NCKAP5: variants seen among roughly 807,000 people sequenced by gnomAD.
The protein encoded by NCKAP5 is nck-associated protein 5.
A neutral mutation model predicts 167.0 loss-of-function variants in NCKAP5; 92 were observed. The ratio of observed to expected loss-of-function variants is 0.55; its 90% CI spans 0.47 to 0.66. The LOEUF (loss-of-function observed/expected upper bound fraction) is 0.66, where lower values mean the gene tolerates loss of function less well. Among genes scored for constraint, NCKAP5 ranks in the 30% least tolerant of loss-of-function variants. The pLI, the probability that NCKAP5 is intolerant of heterozygous loss-of-function variation, is 0.00. For missense variants in NCKAP5, 2,378 were observed against 2,315.0 expected (o/e 1.03, Z -0.56); for synonymous variants, 891 against 877.4 (o/e 1.02, Z -0.27).
chr2:132,970,907 G>A (rs1169085032), intron 7 of NCKAP5, among the ~76,000 whole-genome samples: 1 of 152,200 alleles, frequency 6.6e-6, no homozygotes, highest in East Asian at 1.9e-4. Context: ...TCCCCAAAAT[G>A]TGTAAATGTG....
intron 11 of NCKAP5, among the ~76,000 whole-genome samples, chr2:132,802,114 A>T (rs1685088336): frequency 6.6e-6 from 1 of 152,160 alleles, no homozygotes; most frequent in Non-Finnish European, 1.5e-5. Context: ...GGCACAAAAG[A>T]GAAGTTTTAA....
intron 11 of NCKAP5, among the ~76,000 whole-genome samples, chr2:132,798,493 T>C (rs890744685): frequency 6.6e-6 from 1 of 152,194 alleles, no homozygotes. Context: ...AGAAATGATT[T>C]TGAGTGGTAT....
At chr2:133,308,713 TTTTTTTG>T in intron 3 of NCKAP5, among the ~76,000 whole-genome samples, 1 of 129,292 alleles carries the variant, frequency 7.7e-6, no homozygotes. Flanking sequence ...TTTTTTTTTT[TTTTTTTG>T]AGACGGAGTC....
intron 11 of NCKAP5, among the ~76,000 whole-genome samples, chr2:132,811,559 G>T (rs914203651): frequency 2.0e-5 from 3 of 152,176 alleles, no homozygotes; most frequent in Admixed American, 2.0e-4. Flanking sequence ...GCCTCACCCA[G>T]CTCCCATGCA....
intron 5 of NCKAP5, among the ~76,000 whole-genome samples, chr2:133,150,343 T>A (rs1253840198): frequency 2.0e-5 from 3 of 152,138 alleles, no homozygotes; most frequent in African/African-American, 7.2e-5. Context: ...ACAAGCAAAG[T>A]GTATCTAGGG....
chr2:133,322,647 A>G (rs1175831793), intron 3 of NCKAP5, among the ~76,000 whole-genome samples: 4 of 152,228 alleles, frequency 2.6e-5, no homozygotes, highest in Non-Finnish European at 5.9e-5. Flanking sequence ...TTCACCACCC[A>G]TCCAGGATAT....
chr2:133,620,996 A>G, the NCKAP5 span, among the ~76,000 whole-genome samples: 1 of 152,216 alleles, frequency 6.6e-6, no homozygotes, highest in South Asian at 2.1e-4. Context: ...ATACATGGAA[A>G]TTAAGTAACC....
chr2:133,023,736 A>G (rs2078606793), intron 6 of NCKAP5, among the ~76,000 whole-genome samples: 1 of 152,158 alleles, frequency 6.6e-6, no homozygotes, highest in African/African-American at 2.4e-5. Context: ...TGCTTAGGAT[A>G]ATGACCTCCA....
At chr2:132,975,653 T>C (rs1313612248) in intron 7 of NCKAP5, among the ~76,000 whole-genome samples, 1 of 152,190 alleles carries the variant, frequency 6.6e-6, no homozygotes, top group Non-Finnish European at 1.5e-5. Context: ...ACAGAAATTA[T>C]GTCCTTGTAG....
chr2:133,415,921 G>A (rs1689081856), intron 3 of NCKAP5, among the ~76,000 whole-genome samples: 1 of 152,188 alleles, frequency 6.6e-6, no homozygotes. Flanking sequence ...GTTTATCTGA[G>A]CAAAAGTAAA....
intron 3 of NCKAP5, among the ~76,000 whole-genome samples, chr2:133,462,590 T>A (rs528387141): frequency 6.6e-6 from 1 of 152,236 alleles, no homozygotes; most frequent in Admixed American, 6.5e-5. Flanking sequence ...TCATCACAAG[T>A]AGATGAGAAC....
At position 133,303,114 on chromosome 2, in the gene NCKAP5, C is replaced by A; in HGVS notation, c.70-4G>T. On this transcript the variant is annotated splice_polypyrimidine_tract_variant and splice_region_variant and intron_variant, in intron 3 of 19. Transcript: ENST00000409261. ...ATTTATTGGAGTCCATGTATTCCTG[C>A]ACAAGCAGACAAAGACAGATGAAAA... 2 of 1,576,124 alleles carry A rather than the reference C, an allele frequency of 1.3e-6. No homozygotes were observed. Among genetic ancestry groups the A allele is most frequent in the Non-Finnish European group, 1.7e-6 (2 of 1,159,164 alleles).
intron 6 of NCKAP5, among the ~76,000 whole-genome samples, chr2:133,055,662 A>C (rs2079773940): frequency 6.6e-6 from 1 of 152,176 alleles, no homozygotes; most frequent in Admixed American, 6.6e-5. Flanking sequence ...GCACACACAG[A>C]GGATGAAATG....
At chr2:133,264,340 A>G (rs1195512586) in intron 4 of NCKAP5, among the ~76,000 whole-genome samples, 1 of 152,238 alleles carries the variant, frequency 6.6e-6, no homozygotes, top group Non-Finnish European at 1.5e-5. Context: ...GCTGGGATTA[A>G]TGGAGATAAT....
chr2:132,976,896 G>C (rs1219346259), intron 7 of NCKAP5, among the ~76,000 whole-genome samples: 2 of 152,062 alleles, frequency 1.3e-5, no homozygotes, highest in African/African-American at 4.8e-5. Context: ...TTGTGTGTGT[G>C]TGGCAATTGC....
At chr2:133,142,939 AC>A (rs2083053986) in intron 5 of NCKAP5, among the ~76,000 whole-genome samples, 1 of 152,094 alleles carries the variant, frequency 6.6e-6, no homozygotes. Flanking sequence ...TGCAATATAG[AC>A]CTTTTTATAA....
chr2:133,216,037 CA>C (rs1574408148), intron 4 of NCKAP5, among the ~76,000 whole-genome samples: 1 of 151,924 alleles, frequency 6.6e-6, no homozygotes, highest in East Asian at 1.9e-4. Flanking sequence ...AAACATTTAG[CA>C]AAAGATTTGC....
the NCKAP5 span, among the ~76,000 whole-genome samples, chr2:133,668,986 G>A: frequency 0.086 from 13,100 of 152,172 alleles, 613 homozygotes; most frequent in African/African-American, 0.12. Flanking sequence ...CAGGGAGCTA[G>A]CAGAAAGGTC....
chr2:132,705,336 T>C (rs1469130259), intron 19 of NCKAP5, among the ~76,000 whole-genome samples: 1 of 152,186 alleles, frequency 6.6e-6, no homozygotes, highest in African/African-American at 2.4e-5. Flanking sequence ...GAAAGATTTA[T>C]ATATACTTAC....
Sources: allele counts gnomAD v4.1 joint callset (sites outside exome capture counted in the v4.1 genomes callset), GRCh38; gene constraint gnomAD v4.1.1; transcripts MANE v1.5; gene names NCBI Gene and HGNC (gene_info 2026-07-23, HGNC 2026-07-21).